Variants in ZNF330 observed in about 807,000 individuals in gnomAD.
The protein encoded by ZNF330 is nucleolar atypical zinc finger, also known as zinc finger protein 330.
In ZNF330, 31 loss-of-function variants were observed where a neutral mutation model predicts 45.5. That is an observed-to-expected ratio of 0.68 (90% CI 0.51 to 0.92). The LOEUF is 0.92. ZNF330 is among the 40% of genes least tolerant of loss of function. The pLI, the probability that ZNF330 is intolerant of heterozygous loss-of-function variation, is 0.00. For missense variants in ZNF330, 356 were observed against 387.4 expected (o/e 0.92, Z 0.68); for synonymous variants, 138 against 123.2 (o/e 1.12, Z -0.79).
At chr4:141,230,768 G>A (rs1578813059) in intron 7 of ZNF330, among the ~76,000 whole-genome samples, 1 of 152,106 alleles carries the variant, frequency 6.6e-6, no homozygotes, top group Admixed American at 6.6e-5. Flanking sequence ...TTTTAAGTCC[G>A]TGGTGGGTGC....
chr4:141,232,044 C>A (rs763407297), intron 8 of ZNF330, among the ~76,000 whole-genome samples: 1 of 151,966 alleles, frequency 6.6e-6, no homozygotes, highest in Non-Finnish European at 1.5e-5. Flanking sequence ...CTTGGCTTAC[C>A]CTATTGCCCT....
At chr4:141,223,565 C>T (rs888850491) in intron 2 of ZNF330, among the ~76,000 whole-genome samples, 2 of 152,146 alleles carry the variant, frequency 1.3e-5, no homozygotes, top group Non-Finnish European at 2.9e-5. Flanking sequence ...TGGACTTCAC[C>T]CAGTGCCTGT....
chr4:141,226,801 T>C lies in ZNF330; in HGVS notation c.246T>C (p.Cys82=). ...KTKCMMKSSD[C]VIKHAGVYST... is the part of the protein sequence containing the mutation. ...AGTGCATGATGAAGTCTTCAGACTG[T>C]GTCATAAAGCATGCTGGTGTATACA... The change falls in exon 5 of 10, where the codon TGT becomes TGC. Residue 82 remains cysteine (C), a synonymous_variant. Transcript: ENST00000262990. 6.2e-7 allele frequency: 1 copy of C among 1,613,114 alleles called. No homozygotes were observed. Among genetic ancestry groups the C allele is most frequent in the Non-Finnish European group, 8.5e-7 (1 of 1,179,400 alleles).
chr4:141,230,306 A>C (rs1183166503), intron 7 of ZNF330, 36 bp downstream of exon 7: 1 of 1,299,060 alleles, frequency 7.7e-7, no homozygotes, highest in African/African-American at 1.5e-5. Flanking sequence ...TTTATACCCA[A>C]GATTCTGAAT....
At chr4:141,227,978 A>T (rs1237631486) in intron 5 of ZNF330, among the ~76,000 whole-genome samples, 1 of 152,124 alleles carries the variant, frequency 6.6e-6, no homozygotes, top group African/African-American at 2.4e-5. Context: ...GTATTGCAGT[A>T]TGATTTTATG....
intron 5 of ZNF330, among the ~76,000 whole-genome samples, chr4:141,229,118 A>G (rs1361347985): frequency 6.6e-6 from 1 of 152,118 alleles, no homozygotes; most frequent in Non-Finnish European, 1.5e-5. Context: ...AATTCTAGAA[A>G]AGCTATGCAA....
At chr4:141,229,349 T>G (rs1201910297) in intron 5 of ZNF330, among the ~76,000 whole-genome samples, 1 of 151,996 alleles carries the variant, frequency 6.6e-6, no homozygotes, top group Non-Finnish European at 1.5e-5. Context: ...GATATGTAAC[T>G]GAGTTTTGTA....
chr4:141,223,849 CAGGT>C (rs1440471057), intron 2 of ZNF330: 20 of 453,868 alleles, frequency 4.4e-5, no homozygotes, highest in Non-Finnish European at 4.4e-6. Context: ...GAACTTTCAA[CAGGT>C]AGGAGGCACT....
At chr4:141,227,942 C>T (rs7677757) in intron 5 of ZNF330, among the ~76,000 whole-genome samples, 93,769 of 151,986 alleles carry the variant, frequency 0.62, 31,492 homozygotes, top group African/African-American at 0.89. Flanking sequence ...TGTTTTCCTT[C>T]TAAATATGAG....
rs1560787419 is a variant in ZNF330 at position 141,229,642 on chromosome 4, C to T, written c.363C>T (p.Ala121=). The T allele has an allele frequency of 1.3e-5, 21 of 1,613,088 alleles. No individual in the cohort carries two copies. Among genetic ancestry groups the T allele is most frequent in the Middle Eastern group, 1.6e-4 (1 of 6,078 alleles). ...GRKCLSTHAC[A]CPLTDAECVE... ...AATGTCTCAGTACACATGCTTGTGC[C>T]TGCCCTCTTACCGATGCTGAGTGTG... is the stretch of plus-strand genomic sequence containing the variant. Residue 121 remains alanine, a synonymous_variant, in exon 6 of 10, where the codon GCC becomes GCT. Transcript: ENST00000262990.
chr4:141,224,377 G>T (rs565620814), intron 2 of ZNF330, 110 bp from the exon 3 acceptor site: 8 of 969,414 alleles, frequency 8.3e-6, no homozygotes, highest in Non-Finnish European at 8.0e-6. Flanking sequence ...GGGCTTTGGT[G>T]TAGTGTCACT....
At chr4:141,229,037 G>A (rs992850637) in intron 5 of ZNF330, among the ~76,000 whole-genome samples, 8 of 151,976 alleles carry the variant, frequency 5.3e-5, no homozygotes, top group African/African-American at 1.7e-4. Flanking sequence ...ACAAAGAAAT[G>A]TAATTATTAT....
At chr4:141,222,546 T>A in intron 2 of ZNF330, 55 bp downstream of exon 2, 1 of 1,577,974 alleles carries the variant, frequency 6.3e-7, no homozygotes, top group Non-Finnish European at 8.6e-7. Context: ...TACTATTTTA[T>A]CTGACGTATA....
intron 5 of ZNF330, among the ~76,000 whole-genome samples, chr4:141,228,016 A>G (rs1443881701): frequency 2.6e-5 from 4 of 152,116 alleles, no homozygotes; most frequent in Non-Finnish European, 5.9e-5. Context: ...TCAAATTTTA[A>G]TCTATGAGGA....
chr4:141,222,571 T>C, intron 2 of ZNF330, 80 bp downstream of exon 2: 4 of 1,466,170 alleles, frequency 2.7e-6, no homozygotes, highest in Non-Finnish European at 3.7e-6. Flanking sequence ...AATAAAATTT[T>C]AGTGAAGACA....
intron 5 of ZNF330, among the ~76,000 whole-genome samples, chr4:141,229,299 T>C (rs56016842): frequency 0.032 from 4,927 of 152,248 alleles, 280 homozygotes; most frequent in African/African-American, 0.11. Flanking sequence ...CTTAATTAAA[T>C]AATATTAGGA....
chr4:141,231,274 T>A (rs1430452727), intron 7 of ZNF330, among the ~76,000 whole-genome samples, 165 bp from the exon 8 acceptor site: 3 of 152,082 alleles, frequency 2.0e-5, no homozygotes, highest in Non-Finnish European at 2.9e-5. Flanking sequence ...AATTATTTTA[T>A]TTGCAGCATG....
intron 4 of ZNF330, 76 bp from the exon 5 acceptor site, chr4:141,226,691 G>A: frequency 1.8e-6 from 2 of 1,142,826 alleles, no homozygotes; most frequent in South Asian, 1.3e-5. Flanking sequence ...ACTTGGGCTG[G>A]ATAAAAGGAG....
At chr4:141,223,820 A>G (rs2111247102) in intron 2 of ZNF330, 1 of 455,676 alleles carries the variant, frequency 2.2e-6, no homozygotes, top group Non-Finnish European at 4.4e-6. Context: ...ACTTCACAGA[A>G]GAGGTGGGAT....
Sources: gnomAD v4.1 joint callset for allele counts (sites outside exome capture counted in the v4.1 genomes callset) on GRCh38, gnomAD v4.1.1 for gene constraint, MANE v1.5 for transcripts, NCBI Gene and HGNC (gene_info 2026-07-23, HGNC 2026-07-21) for gene names.